CST3: variants seen among roughly 807,000 people sequenced by gnomAD.
CST3 encodes the protein cystatin-C.
In CST3, 14 loss-of-function variants were observed where a neutral mutation model predicts 9.0. The ratio of observed to expected loss-of-function variants is 1.56; its 90% CI spans 1.03 to 2.44. The LOEUF is 2.44. Among genes scored for constraint, CST3 ranks in the 30% most tolerant of loss-of-function variants. The pLI is 0.00. For missense variants in CST3, 237 were observed against 204.3 expected (o/e 1.16, Z -0.98); for synonymous variants, 96 against 90.2 (o/e 1.06, Z -0.37).
chr20:23,632,908 A>G (rs1979503288), downstream of CST3, among the ~76,000 whole-genome samples: 1 of 152,234 alleles, frequency 6.6e-6, no homozygotes, highest in Admixed American at 6.5e-5. Flanking sequence ...TTGGAAAAAG[A>G]AGAGTCCACT....
chr20:23,635,438 C>A, intron 1 of CST3, 71 bp from the exon 2 acceptor site: 1 of 1,359,358 alleles, frequency 7.4e-7, no homozygotes, highest in Non-Finnish European at 1.0e-6. Flanking sequence ...AGGCACTTCA[C>A]TGTGACCGGG....
At position 23,637,845 on chromosome 20, in the gene CST3, G is replaced by T. The variant is rs746955131; in HGVS notation, c.18C>A (p.Arg6=). Residue 6 remains arginine (R), a synonymous_variant, in exon 1 of 3, where the codon CGC becomes CGA. Transcript: ENST00000376925. The part of the protein sequence containing the change: MAGPL[R]APLLLLAILA... Reference sequence around the variant, plus strand: ...GGATGGCCAGCAGGAGCAGCGGGGCGCGCAGGGGCCCGGCCATGGTCGGCT... The same window carrying T: ...GGATGGCCAGCAGGAGCAGCGGGGCTCGCAGGGGCCCGGCCATGGTCGGCT... 1.4e-6 allele frequency: 2 copies of T among 1,435,276 alleles called. No individual in the cohort carries two copies. The highest frequency in any genetic ancestry group is 9.1e-7 in the Non-Finnish European group (1 of 1,102,102). 88.9% of individuals were successfully genotyped at this position (1,435,276 alleles called of 1,614,324 possible). A position where few individuals can be genotyped will look rare whatever the true frequency, so the allele number is the denominator to read the frequency against.
At position 23,637,795 on chromosome 20, in the gene CST3, G is replaced by A. The variant is rs570741281; in HGVS notation, c.68C>T (p.Pro23Leu). The change falls in exon 1 of 3, where the codon CCC (proline) becomes CTC (leucine). Residue 23 changes from proline to leucine, a missense_variant. By Grantham distance (98) the Pro-to-Leu change is moderately conservative. Coordinates refer to ENST00000376925, the MANE Select transcript of CST3 (RefSeq NM_000099.4). Reference sequence around the variant, plus strand: ...CTTGCCGGGACTGGAGCCGGCCGCGGGGCTCACGGCCAGGGCCACGGCCAG... The same window carrying A: ...CTTGCCGGGACTGGAGCCGGCCGCGAGGCTCACGGCCAGGGCCACGGCCAG... ...AILAVALAVS[P>L]AAGSSPGKPP... 6 of 1,523,364 alleles carry A rather than the reference G, an allele frequency of 3.9e-6. No homozygotes were observed. The highest frequency in any genetic ancestry group is 2.7e-5 in the East Asian group (1 of 37,572). 94.4% of individuals were successfully genotyped at this position (1,523,364 alleles called of 1,614,324 possible).
chr20:23,634,694 GCA>G (rs769335703), intron 2 of CST3, among the ~76,000 whole-genome samples: 4 of 152,044 alleles, frequency 2.6e-5, no homozygotes, highest in Non-Finnish European at 4.4e-5. Flanking sequence ...ACACTCCAAA[GCA>G]CATAGGGTGG....
rs773433814 is a variant in CST3, at chr20:23,633,931, G to C, written c.426C>G (p.Thr142=). ...GTACAGACCCCTAGGCGTCCTGACA[G>C]GTGGATTTCGACAAGGTCATTGTGC... ...WQGTMTLSKS[T]CQDA The change falls in exon 3 of 3, where the codon ACC becomes ACG. Residue 142 remains threonine (T), a synonymous_variant. Transcript: ENST00000376925. The C allele has an allele frequency of 6.2e-7, 1 of 1,614,116 alleles. No homozygotes were observed. Among genetic ancestry groups the C allele is most frequent in the Non-Finnish European group, 8.5e-7 (1 of 1,179,970 alleles).
chr20:23,634,344 C>T (rs1220608520), intron 2 of CST3, among the ~76,000 whole-genome samples: 2 of 152,182 alleles, frequency 1.3e-5, no homozygotes, highest in Admixed American at 1.3e-4. Context: ...CAGCTCCTTC[C>T]ACCTCCAGCC....
Position 23,633,925 on chromosome 20 carries a change from C to T in CST3, c.432G>A (p.Gln144=). 4 of 1,614,054 alleles carry T rather than the reference C, an allele frequency of 2.5e-6. No individual in the cohort carries two copies. Among genetic ancestry groups the T allele is most frequent in the Non-Finnish European group, 3.4e-6 (4 of 1,179,930 alleles). ...AGCCCGGTACAGACCCCTAGGCGTCCTGACAGGTGGATTTCGACAAGGTCA... is the reference window on the plus strand; with the variant it reads ...AGCCCGGTACAGACCCCTAGGCGTCTTGACAGGTGGATTTCGACAAGGTCA... ...GTMTLSKSTC[Q]DA Residue 144 remains glutamine (Q), a synonymous_variant, in exon 3 of 3, where the codon CAG becomes CAA. Transcript: ENST00000376925.
At chr20:23,627,161 T>G (rs527875363) in exon 4 of CST3, 41 of 152,328 alleles carry the variant, frequency 2.7e-4, no homozygotes, top group African/African-American at 7.5e-4. Flanking sequence ...CCAAGGAAAC[T>G]TCCTATTAGC....
At position 23,633,691 on chromosome 20, in the gene CST3, TG is replaced by T; in HGVS notation, c.*224del. 1 of 634,974 alleles carries T rather than the reference TG, an allele frequency of 1.6e-6. No individual in the cohort carries two copies. Among genetic ancestry groups the T allele is most frequent in the Non-Finnish European group, 2.8e-6 (1 of 350,936 alleles). 39.3% of individuals were successfully genotyped at this position (634,974 alleles called of 1,614,324 possible). ...ACTATTTTATTGCAGGAGGTGGGGG[TG>T]TATGCACCGCACACCGGGGCTATGA... On this transcript the variant is annotated 3_prime_UTR_variant, in exon 3 of 3. Coordinates refer to ENST00000376925, the MANE Select transcript of CST3 (RefSeq NM_000099.4).
At chr20:23,635,182 T>TCACACACACACACA in intron 2 of CST3, 72 bp downstream of exon 2, 1 of 1,103,380 alleles carries the variant, frequency 9.1e-7, no homozygotes. Flanking sequence ...AACATGTGCA[T>TCACACACACACACA]CACACACACA....
At chr20:23,631,462 G>A (rs1002123191), downstream of CST3, among the ~76,000 whole-genome samples, 1 of 152,212 alleles carries the variant, frequency 6.6e-6, no homozygotes, top group Non-Finnish European at 1.5e-5. Flanking sequence ...TGGGGGTAAT[G>A]GGGTGGCGAT....
At chr20:23,637,567 G>T (rs537694094) in intron 1 of CST3, 53 bp downstream of exon 1, 2 of 1,421,316 alleles carry the variant, frequency 1.4e-6, no homozygotes, top group East Asian at 2.9e-5. Context: ...AGCGCGGGGG[G>T]AGGCTGGGAC....
chr20:23,637,613 C>T lies in CST3; in HGVS notation c.243+7G>A. On this transcript the variant is annotated splice_region_variant and intron_variant, in intron 1 of 2. Coordinates refer to ENST00000376925, the MANE Select transcript of CST3 (RefSeq NM_000099.4). ...GGGCTTCGGACCCTGCGGGGGGCGG[C>T]ACGCACCTGCTTGCGGGCGCGCACC... 1 of 1,515,866 alleles carries T rather than the reference C, an allele frequency of 6.6e-7. No homozygotes were observed. The highest frequency in any genetic ancestry group is 8.8e-7 in the Non-Finnish European group (1 of 1,132,754). 93.9% of individuals were successfully genotyped at this position (1,515,866 alleles called of 1,614,324 possible).
chr20:23,633,933 T>C lies in CST3; in HGVS notation c.424A>G (p.Thr142Ala), dbSNP rs141643699. Reference protein sequence around the residue: ...WQGTMTLSKSTCQDA With the variant: ...WQGTMTLSKSACQDA ...ACAGACCCCTAGGCGTCCTGACAGGTGGATTTCGACAAGGTCATTGTGCCC... is the reference window on the plus strand; with the variant it reads ...ACAGACCCCTAGGCGTCCTGACAGGCGGATTTCGACAAGGTCATTGTGCCC... The change falls in exon 3 of 3, where the codon ACC (threonine) becomes GCC (alanine). Residue 142 changes from threonine (T) to alanine (A), a missense_variant. By Grantham distance (58) the Thr-to-Ala change is moderately conservative. Transcript: ENST00000376925. The C allele has an allele frequency of 5.2e-4, 842 of 1,613,910 alleles. 9 individuals carry two copies. In the African/African-American group the frequency reaches 0.01, roughly 20 times the overall value.
intron 1 of CST3, among the ~76,000 whole-genome samples, chr20:23,637,321 C>G (rs1243902601): frequency 6.6e-6 from 1 of 152,258 alleles, no homozygotes; most frequent in East Asian, 1.9e-4. Context: ...CGGGACAGAG[C>G]TGTGTGGGAC....
intron 1 of CST3, among the ~76,000 whole-genome samples, chr20:23,635,681 T>C (rs1327019001): frequency 6.6e-6 from 1 of 152,224 alleles, no homozygotes; most frequent in East Asian, 1.9e-4. Flanking sequence ...GATGATGAAA[T>C]TTCGGCAAAC....
Position 23,637,899 on chromosome 20 carries a change from A to T in CST3, c.-37T>A. The T allele has an allele frequency of 1.6e-6, 2 of 1,249,224 alleles. No homozygotes were observed. The highest frequency in any genetic ancestry group is 2.0e-6 in the Non-Finnish European group (2 of 996,240). 77.4% of individuals were successfully genotyped at this position (1,249,224 alleles called of 1,614,324 possible). ...ACGCGGGACGCGGGGAGTGGGGCGC[A>T]GGCGAGAGGCTGGAGCTAGATAGAG... is the stretch of plus-strand genomic sequence containing the variant. On this transcript the variant is annotated 5_prime_UTR_variant, in exon 1 of 3. Coordinates refer to ENST00000376925, the MANE Select transcript of CST3 (RefSeq NM_000099.4).
downstream of CST3, among the ~76,000 whole-genome samples, chr20:23,630,537 G>A (rs1979413314): frequency 6.6e-6 from 1 of 152,172 alleles, no homozygotes; most frequent in African/African-American, 2.4e-5. Flanking sequence ...CATAAGGAGA[G>A]GAAGGGGTGA....
At chr20:23,637,178 TAA>T (rs1445718288) in intron 1 of CST3, among the ~76,000 whole-genome samples, 1 of 152,188 alleles carries the variant, frequency 6.6e-6, no homozygotes, top group Non-Finnish European at 1.5e-5. Context: ...TACGGGAGAA[TAA>T]AAAGTTAAAA....
Sources: allele counts gnomAD v4.1 joint callset (sites outside exome capture counted in the v4.1 genomes callset), GRCh38; gene constraint gnomAD v4.1.1; transcripts MANE v1.5; gene names NCBI Gene and HGNC (gene_info 2026-07-23, HGNC 2026-07-21).